SH3KBP1: variants seen among roughly 807,000 people sequenced by gnomAD.
The protein encoded by SH3KBP1 is SH3 domain-containing kinase-binding protein 1.
SH3KBP1 carries 8 observed loss-of-function variants against 50.1 expected under a neutral mutation model. The observed-to-expected ratio is 0.16, with a 90% confidence interval of 0.09 to 0.29. The LOEUF is 0.29. Ranked by LOEUF, SH3KBP1 falls within the 10% of genes least tolerant of loss-of-function variation. SH3KBP1 has a pLI of 1.00. For missense variants in SH3KBP1, 377 were observed against 535.2 expected, an observed-to-expected ratio of 0.70 and a Z score of 2.92; for synonymous variants, 227 against 218.6, an observed-to-expected ratio of 1.04 and a Z score of -0.34.
chrX:19,573,446 C>T, intron 12 of SH3KBP1, among the ~76,000 whole-genome samples: 1 of 108,068 alleles, frequency 9.3e-6, no homozygotes, highest in Admixed American at 1.0e-4. Flanking sequence ...GCCACCACAT[C>T]AGGCTAATTT....
intron 2 of SH3KBP1, 128 bp from the exon 3 acceptor site, chrX:19,746,569 TA>T: frequency 1.6e-6 from 1 of 619,030 alleles, no homozygotes; most frequent in Non-Finnish European, 2.5e-6. Flanking sequence ...CATCATGTTT[TA>T]AAAACACCAT....
At chrX:19,741,306 C>T (rs1421097667) in intron 3 of SH3KBP1, among the ~76,000 whole-genome samples, 1 of 111,959 alleles carries the variant, frequency 8.9e-6, no homozygotes, top group East Asian at 2.8e-4. Context: ...CTCGTAGCAT[C>T]AGAGCTAGAC....
chrX:19,731,415 C>G (rs979121005), intron 3 of SH3KBP1, among the ~76,000 whole-genome samples: 4 of 111,922 alleles, frequency 3.6e-5, no homozygotes, highest in African/African-American at 6.5e-5. Context: ...TGTTACCCTT[C>G]TAACTTAGCT....
chrX:19,636,545 CA>C (rs1423315355), intron 7 of SH3KBP1, among the ~76,000 whole-genome samples: 1 of 111,394 alleles, frequency 9.0e-6, no homozygotes, highest in Non-Finnish European at 1.9e-5. Flanking sequence ...ACACCCTCCC[CA>C]AAAAACATTA....
intron 2 of SH3KBP1, among the ~76,000 whole-genome samples, chrX:19,802,191 G>A (rs767222845): frequency 7.3e-4 from 81 of 110,574 alleles, no homozygotes; most frequent in Non-Finnish European, 1.2e-3. Context: ...CCAGGAGTTC[G>A]AGACCAGCCT....
intron 7 of SH3KBP1, among the ~76,000 whole-genome samples, chrX:19,638,408 C>CAAAAAAAAAAA (rs59079416): frequency 2.4e-5 from 1 of 42,066 alleles, no homozygotes; most frequent in African/African-American, 8.2e-5. Flanking sequence ...GACTCCGTCT[C>CAAAAAAAAAAA]AAAAAAAAAA....
In SH3KBP1 at chrX:19,608,049, GAA is replaced by G; in HGVS notation, c.898-6_898-5del. The G allele has an allele frequency of 8.3e-7, 1 of 1,199,789 alleles. No homozygotes were observed. Among genetic ancestry groups the G allele is most frequent in the Non-Finnish European group, 1.1e-6 (1 of 885,497 alleles). ...ACCAGCCTACGTCGATGCAGTCCTA[GAA>G]AACAGGAGAACAGAGAGTGAGAGAT... On this transcript the variant is annotated splice_polypyrimidine_tract_variant and splice_region_variant and intron_variant, in intron 8 of 17. Transcript: ENST00000397821.
rs200388377 is a variant in SH3KBP1 at position 19,706,866 on chromosome X, G to A, written c.390+15C>T. 1.0e-3 allele frequency: 1,232 copies of A among 1,182,691 alleles called. 1 individual carries two copies. Among genetic ancestry groups the A allele is most frequent in the Non-Finnish European group, 1.1e-3 (929 of 872,039 alleles). Reference sequence around the variant, plus strand: ...CCCATTCGAGGCCATTGCACTGCCCGGCCAGGTCGCTTACCTCTCCTACCA... The same window carrying A: ...CCCATTCGAGGCCATTGCACTGCCCAGCCAGGTCGCTTACCTCTCCTACCA... On this transcript the variant is annotated intron_variant, in intron 4 of 17. Transcript: ENST00000397821.
At position 19,590,809 on chromosome X, in the gene SH3KBP1, A is replaced by ATTTTTT. The variant is rs34366083; in HGVS notation, c.1138+1252_1138+1257dup. 3.8e-4 allele frequency among the ~76,000 whole-genome samples: 9 copies of ATTTTTT among 23,768 alleles called. 1 individual carries two copies. The highest frequency in any genetic ancestry group is 5.2e-4 in the Non-Finnish European group (7 of 13,384). 20.6% of individuals were successfully genotyped at this position (23,768 alleles called of 115,157 possible). The stretch of plus-strand genomic sequence containing the variant: ...TGGACACAGGCCACCAGGCCTGGCT[A>ATTTTTT]TTTTTTTTTTTTTTTTTTTTTTTTT... On this transcript the variant is annotated intron_variant, in intron 11 of 17. Coordinates refer to ENST00000397821, the MANE Select transcript of SH3KBP1 (RefSeq NM_031892.3).
Position 19,887,478 on chromosome X carries a change from C to G in SH3KBP1, c.-168G>C. 1 of 319,825 alleles carries G rather than the reference C, an allele frequency of 3.1e-6. No individual in the cohort carries two copies. The highest frequency in any genetic ancestry group is 5.1e-6 in the Non-Finnish European group (1 of 196,889). The allele number at this position is 319,825 out of a possible 1,213,427, so 26.4% of individuals were successfully genotyped here. ...TGGCGGCGGCGGCGGCTCAGCGCCG[C>G]CCGCTGCTGCCTCTGCTGCTGCTGC... On this transcript the variant is annotated 5_prime_UTR_variant, in exon 1 of 18. Transcript: ENST00000397821.
At chrX:19,856,951 C>CTTTTATTTTT (rs2068660703) in intron 1 of SH3KBP1, among the ~76,000 whole-genome samples, 1 of 20,040 alleles carries the variant, frequency 5.0e-5, no homozygotes, top group Non-Finnish European at 1.0e-4. Context: ...TAATACTAGT[C>CTTTTATTTTT]TTTTTTTTTT....
intron 1 of SH3KBP1, among the ~76,000 whole-genome samples, chrX:19,882,477 G>A (rs2069465113): frequency 9.0e-6 from 1 of 111,344 alleles, no homozygotes; most frequent in African/African-American, 3.3e-5. Flanking sequence ...CCCAGCCGTT[G>A]CTGGCTTTGG....
intron 11 of SH3KBP1, among the ~76,000 whole-genome samples, chrX:19,591,841 C>T (rs2066758080): frequency 8.9e-6 from 1 of 112,241 alleles, no homozygotes; most frequent in Non-Finnish European, 1.9e-5. Flanking sequence ...TGTTAATTGA[C>T]TAGACTGGTT....
At chrX:19,766,911 C>A (rs1009631139) in intron 2 of SH3KBP1, among the ~76,000 whole-genome samples, 3 of 111,210 alleles carry the variant, frequency 2.7e-5, no homozygotes, top group Non-Finnish European at 5.7e-5. Flanking sequence ...AATCCAAAAT[C>A]CTTAACCATA....
intron 8 of SH3KBP1, among the ~76,000 whole-genome samples, chrX:19,613,621 A>C (rs1403755809): frequency 8.9e-6 from 1 of 112,956 alleles, no homozygotes. Context: ...TTTTCCCTAT[A>C]AAATGCAAAT....
chrX:19,848,388 A>T (rs2068417637), intron 1 of SH3KBP1, among the ~76,000 whole-genome samples: 1 of 112,600 alleles, frequency 8.9e-6, no homozygotes, highest in Non-Finnish European at 1.9e-5. Flanking sequence ...AACTGCCTTG[A>T]AACAGCATTG....
In SH3KBP1 at chrX:19,703,170, C is replaced by T. The variant is rs189684132; in HGVS notation, c.390+3711G>A. Reference sequence around the variant, plus strand: ...CCTGCCAGGTGAGCAAGCTGTTCACCCGACTAAGGGTCAAGGTTGTTTCTA... The same window carrying T: ...CCTGCCAGGTGAGCAAGCTGTTCACTCGACTAAGGGTCAAGGTTGTTTCTA... On this transcript the variant is annotated intron_variant, in intron 4 of 17. Coordinates refer to ENST00000397821, the MANE Select transcript of SH3KBP1 (RefSeq NM_031892.3). Among the ~76,000 whole-genome samples the T allele has an allele frequency of 4.5e-4, 50 of 112,227 alleles. No individual in the cohort carries two copies. The South Asian group carries it at 4.8e-3, about 11-fold the overall frequency.
chrX:19,669,016 G>A (rs1414527421), intron 6 of SH3KBP1, among the ~76,000 whole-genome samples: 2 of 90,058 alleles, frequency 2.2e-5, no homozygotes, highest in South Asian at 6.2e-4. Flanking sequence ...AGGCTGGAGT[G>A]CAGTGACACG....
chrX:19,634,710 C>T (rs991498849), intron 7 of SH3KBP1, among the ~76,000 whole-genome samples: 1 of 111,704 alleles, frequency 9.0e-6, no homozygotes, highest in Admixed American at 9.5e-5. Context: ...GCTGGGCTTT[C>T]GCAAGCACAT....
Sources: gnomAD v4.1 joint callset for allele counts (sites outside exome capture counted in the v4.1 genomes callset) on GRCh38, gnomAD v4.1.1 for gene constraint, MANE v1.5 for transcripts, NCBI Gene and HGNC (gene_info 2026-07-23, HGNC 2026-07-21) for gene names.